PARD3B: variants seen among roughly 807,000 people sequenced by gnomAD.
PARD3B encodes the protein partitioning defective 3 homolog B.
A neutral mutation model predicts 130.2 loss-of-function variants in PARD3B; 103 were observed. That is an observed-to-expected ratio of 0.79 (90% CI 0.67 to 0.93). PARD3B has a LOEUF of 0.93. PARD3B is among the 40% of genes least tolerant of loss of function. PARD3B has a pLI of 0.00. For synonymous variants in PARD3B, 583 were observed against 553.2 expected, an observed-to-expected ratio of 1.05 and a Z score of -0.76; for missense variants, 1,609 against 1,499.2, an observed-to-expected ratio of 1.07 and a Z score of -1.21.
At position 205,193,320 on chromosome 2, in the gene PARD3B, G is replaced by T. The variant is rs756695799; in HGVS notation, c.2140G>T (p.Val714Leu). The part of the protein sequence containing the change: ...NLKASKSMDL[V>L]PDESKVHSLA... ...GAAAGCCTCGAAGAGCATGGACCTT[G>T]GTAAGCAAGGGTGAGGTGACATCCA... The change falls in exon 15 of 23, where the codon GTG (valine) becomes TTG (leucine). Residue 714 changes from valine (V) to leucine (L), a missense_variant and splice_region_variant. Val to Leu is a conservative substitution (Grantham distance 32). Coordinates refer to ENST00000406610, the MANE Select transcript of PARD3B (RefSeq NM_001302769.2). 1 of 1,588,510 alleles carries T rather than the reference G, an allele frequency of 6.3e-7. No homozygotes were observed. Among genetic ancestry groups the T allele is most frequent in the Non-Finnish European group, 8.6e-7 (1 of 1,156,866 alleles).
Position 205,015,077 on chromosome 2 carries a change from A to C in PARD3B, c.395-32504A>C, listed in dbSNP as rs1396920769. Among the ~76,000 whole-genome samples, 1 of 152,212 alleles carries C rather than the reference A, an allele frequency of 6.6e-6. No homozygotes were observed. Among genetic ancestry groups the C allele is most frequent in the African/African-American group, 2.4e-5 (1 of 41,446 alleles). On this transcript the variant is annotated intron_variant, in intron 3 of 22. Coordinates refer to ENST00000406610, the MANE Select transcript of PARD3B (RefSeq NM_001302769.2). This position sits in a 1 kb window ranked among gnomAD's most constrained non-coding sequence, Gnocchi z 4.5. ...TTGCAACTCCCCAAAAAACTTAACT[A>C]CTAATACCTATTGTTGACCAGAAGC...
At chr2:204,601,707 A>AT (rs1277172515) in intron 1 of PARD3B, among the ~76,000 whole-genome samples, 1 of 151,970 alleles carries the variant, frequency 6.6e-6, no homozygotes, top group African/African-American at 2.4e-5. Flanking sequence ...TGTCACTGTT[A>AT]TCCCAGGAAT....
At chr2:205,235,376 C>T (rs1047673907) in intron 15 of PARD3B, among the ~76,000 whole-genome samples, 1 of 152,038 alleles carries the variant, frequency 6.6e-6, no homozygotes, top group East Asian at 1.9e-4. Context: ...GAGCTGAGAT[C>T]ACACCACTGC....
At chr2:204,743,560 G>A (rs118126921) in intron 2 of PARD3B, among the ~76,000 whole-genome samples, 2,870 of 152,174 alleles carry the variant, frequency 0.019, 41 homozygotes, top group South Asian at 0.063. Flanking sequence ...TGCTTTAATG[G>A]CGTTGTAAAA....
At chr2:204,759,702 A>G (rs995683759) in intron 2 of PARD3B, among the ~76,000 whole-genome samples, 2 of 152,116 alleles carry the variant, frequency 1.3e-5, no homozygotes, top group East Asian at 3.9e-4. Flanking sequence ...GTTTCCTTGG[A>G]TTTTGATACC....
At chr2:205,035,312 CATACTTGTAACTATGA>C (rs1044281979) in intron 3 of PARD3B, among the ~76,000 whole-genome samples, 18 of 152,136 alleles carry the variant, frequency 1.2e-4, no homozygotes, top group Non-Finnish European at 2.4e-4. Flanking sequence ...TTCACACATA[CATACTTGTAACTATGA>C]AACTGCTACA....
intron 3 of PARD3B, among the ~76,000 whole-genome samples, chr2:204,990,609 A>C (rs10084396): frequency 0.99 from 151,179 of 152,198 alleles, 75,095 homozygotes; most frequent in Middle Eastern, 1. Flanking sequence ...GAACACTAAT[A>C]ATTTGTAGAT....
chr2:204,581,234 C>T (rs1029480958), intron 1 of PARD3B, among the ~76,000 whole-genome samples: 5 of 152,170 alleles, frequency 3.3e-5, no homozygotes, highest in African/African-American at 1.2e-4. Context: ...AGACTGTATG[C>T]TCTGCTCTAA....
Position 204,887,242 on chromosome 2 carries a change from CACAAATTACCAATTAA to C in PARD3B, c.223-77906_223-77891del. Among the ~76,000 whole-genome samples the C allele has an allele frequency of 6.6e-6, 1 of 152,078 alleles. No homozygotes were observed. Among genetic ancestry groups the C allele is most frequent in the Admixed American group, 6.6e-5 (1 of 15,266 alleles). Reference sequence around the variant, plus strand: ...AGTAGTATGTTTCCATCTCAGAACCCACAAATTACCAATTAAACACAATCTTCCAAAACAATGTGAT... The same window carrying C: ...AGTAGTATGTTTCCATCTCAGAACCCACACAATCTTCCAAAACAATGTGAT... On this transcript the variant is annotated intron_variant, in intron 2 of 22. Transcript: ENST00000406610. The surrounding 1 kb of genome is among the most constrained non-coding windows in gnomAD (Gnocchi z 4.2).
intron 15 of PARD3B, among the ~76,000 whole-genome samples, chr2:205,204,706 A>C (rs1302675236): frequency 6.6e-6 from 1 of 152,222 alleles, no homozygotes; most frequent in African/African-American, 2.4e-5. Context: ...TAAATAGGGA[A>C]TCCTTTCCCC....
At position 205,300,765 on chromosome 2, in the gene PARD3B, T is replaced by G; in HGVS notation, c.2392+29T>G. The G allele has an allele frequency of 6.3e-7, 1 of 1,585,672 alleles. No homozygotes were observed. The highest frequency in any genetic ancestry group is 8.6e-7 in the Non-Finnish European group (1 of 1,157,352). Reference sequence around the variant, plus strand: ...GGATGATATGCTTCCTTAAATGGCTTCTTCATCTCATTATTATCTGCAAAT... The same window carrying G: ...GGATGATATGCTTCCTTAAATGGCTGCTTCATCTCATTATTATCTGCAAAT... On this transcript the variant is annotated intron_variant, in intron 17 of 22. Coordinates refer to ENST00000406610, the MANE Select transcript of PARD3B (RefSeq NM_001302769.2). This position sits in a 1 kb window ranked among gnomAD's most constrained non-coding sequence, Gnocchi z 4.1.
intron 2 of PARD3B, among the ~76,000 whole-genome samples, chr2:204,805,790 C>T (rs1053201579): frequency 6.6e-6 from 1 of 151,918 alleles, no homozygotes; most frequent in African/African-American, 2.4e-5. Flanking sequence ...ATACATTATA[C>T]TAGGAGAATG....
At chr2:205,420,791 A>G (rs537856937) in intron 19 of PARD3B, among the ~76,000 whole-genome samples, 12 of 152,300 alleles carry the variant, frequency 7.9e-5, no homozygotes, top group African/African-American at 2.9e-4. Context: ...GGTCACCGTA[A>G]ATTTTCTAAG....
At chr2:204,714,134 C>T (rs763191523) in intron 2 of PARD3B, among the ~76,000 whole-genome samples, 5 of 152,044 alleles carry the variant, frequency 3.3e-5, no homozygotes, top group Non-Finnish European at 5.9e-5. Flanking sequence ...CTTAGCTTTC[C>T]TTCTCTCCTT....
At chr2:205,048,009 T>C (rs1698921693) in intron 4 of PARD3B, 1 of 193,148 alleles carries the variant, frequency 5.2e-6, no homozygotes, top group Admixed American at 5.9e-5. Context: ...AGAGGAAGGT[T>C]TAGTAATTTG....
intron 1 of PARD3B, among the ~76,000 whole-genome samples, chr2:204,651,655 C>G (rs962425995): frequency 6.6e-6 from 1 of 152,216 alleles, no homozygotes; most frequent in Non-Finnish European, 1.5e-5. Context: ...CTCCACTATG[C>G]AGTGCCCCAG....
chr2:204,814,664 A>G (rs750963465), intron 2 of PARD3B, among the ~76,000 whole-genome samples: 3 of 151,828 alleles, frequency 2.0e-5, no homozygotes, highest in East Asian at 1.9e-4. Flanking sequence ...AAAACATTCA[A>G]TATTTCACCG....
At chr2:205,097,026 G>A (rs1344259832) in intron 4 of PARD3B, among the ~76,000 whole-genome samples, 1 of 152,052 alleles carries the variant, frequency 6.6e-6, no homozygotes, top group Admixed American at 6.6e-5. Context: ...GGAAACGGGG[G>A]TCCCAAGAAA....
In PARD3B at chr2:205,158,778, T is replaced by G; in HGVS notation, c.1491T>G (p.Phe497Leu). 1 of 1,614,176 alleles carries G rather than the reference T, an allele frequency of 6.2e-7. No homozygotes were observed. The highest frequency in any genetic ancestry group is 8.5e-7 in the Non-Finnish European group (1 of 1,179,988). The change falls in exon 11 of 23, where the codon TTT (phenylalanine) becomes TTG (leucine). Residue 497 changes from phenylalanine to leucine, a missense_variant. Coordinates refer to ENST00000406610, the MANE Select transcript of PARD3B (RefSeq NM_001302769.2). This position sits in a 1 kb window ranked among gnomAD's most constrained non-coding sequence, Gnocchi z 5.4. ...TGGAGACAAGCGAGCAGCTCACCTT[T>G]GAGATCCCCCTGAATGATTCAGGTT... ...LSLETSEQLT[F>L]EIPLNDSGSA...
Sources: allele counts gnomAD v4.1 joint callset (sites outside exome capture counted in the v4.1 genomes callset), GRCh38; gene constraint gnomAD v4.1.1; non-coding constraint Gnocchi (gnomAD v3.1); transcripts MANE v1.5; gene names NCBI Gene and HGNC (gene_info 2026-07-23, HGNC 2026-07-21).